CACNA1E: variants seen among roughly 807,000 people sequenced by gnomAD.
The protein encoded by CACNA1E is voltage-dependent R-type calcium channel subunit alpha-1E.
CACNA1E carries 40 observed loss-of-function variants against 259.2 expected under a neutral mutation model. The observed-to-expected ratio is 0.15, with a 90% CI of 0.12 to 0.20. CACNA1E has a LOEUF of 0.20. Ranked by LOEUF, CACNA1E falls within the 10% of genes least tolerant of loss-of-function variation. The pLI is 1.00. For missense variants in CACNA1E, 1,874 were observed against 3,040.1 expected, an observed-to-expected ratio of 0.62 and a Z score of 9.02; for synonymous variants, 1,104 against 1,138.5, an observed-to-expected ratio of 0.97 and a Z score of 0.61.
intron 1 of CACNA1E, among the ~76,000 whole-genome samples, chr1:181,393,798 C>T (rs1289288237): frequency 1.3e-5 from 2 of 152,196 alleles, no homozygotes; most frequent in Non-Finnish European, 2.9e-5. Flanking sequence ...GCAGTGAGTA[C>T]TCATCTGGAC....
rs561201985 is a variant in CACNA1E at position 181,486,794 on chromosome 1, G to A, written c.266+2784G>A. ...AATGGCATCTTTCAGAAATTTCAGC[G>A]TGCCTGAAGTGGGGAGGGGTCTTAG... is the stretch of plus-strand genomic sequence containing the variant. On this transcript the variant is annotated intron_variant, in intron 1 of 47. Coordinates refer to ENST00000367573, the MANE Select transcript of CACNA1E (RefSeq NM_001205293.3). Among the ~76,000 whole-genome samples, 16 of 152,168 alleles carry A rather than the reference G, an allele frequency of 1.1e-4. No homozygotes were observed. The East Asian group carries it at 2.7e-3, about 26-fold the overall frequency.
chr1:181,411,023 A>G (rs72729371), intron 1 of CACNA1E, among the ~76,000 whole-genome samples: 16,957 of 152,208 alleles, frequency 0.11, 1,088 homozygotes, highest in South Asian at 0.27. Flanking sequence ...TGGAGGCCAG[A>G]GTTCCTCTGA....
At chr1:181,748,842 C>T (rs1657341579) in intron 25 of CACNA1E, among the ~76,000 whole-genome samples, 1 of 152,198 alleles carries the variant, frequency 6.6e-6, no homozygotes, top group Non-Finnish European at 1.5e-5. Context: ...TTGTTCACAA[C>T]TGTATATCCA....
chr1:181,477,958 A>G (rs1221170413), intron 2 of CACNA1E, among the ~76,000 whole-genome samples: 1 of 152,244 alleles, frequency 6.6e-6, no homozygotes, highest in Non-Finnish European at 1.5e-5. Context: ...TTACCTCTCT[A>G]AAGCTCAAGA....
At chr1:181,650,610 T>C (rs1225762192) in intron 6 of CACNA1E, among the ~76,000 whole-genome samples, 1 of 152,230 alleles carries the variant, frequency 6.6e-6, no homozygotes, top group Non-Finnish European at 1.5e-5. Context: ...GCTTCTTTGT[T>C]TAAGTCATGA....
chr1:181,448,428 C>T (rs1053433530), intron 2 of CACNA1E, among the ~76,000 whole-genome samples: 16 of 152,236 alleles, frequency 1.1e-4, no homozygotes, highest in Non-Finnish European at 1.8e-4. Context: ...GGAGTCAGGA[C>T]TCAAGCTCAG....
intron 3 of CACNA1E, among the ~76,000 whole-genome samples, chr1:181,568,562 A>T (rs1359431710): frequency 6.6e-6 from 1 of 151,868 alleles, no homozygotes; most frequent in East Asian, 1.9e-4. Flanking sequence ...CTTCTGTGAC[A>T]TTTCCCAGTC....
chr1:181,731,750 C>T (rs1231909673), intron 19 of CACNA1E, among the ~76,000 whole-genome samples: 6 of 152,084 alleles, frequency 3.9e-5, no homozygotes, highest in African/African-American at 7.2e-5. Context: ...AATGCTCGAT[C>T]GCAGTTTTGA....
intron 7 of CACNA1E, among the ~76,000 whole-genome samples, chr1:181,697,875 G>C (rs1651867714): frequency 6.6e-6 from 1 of 152,226 alleles, no homozygotes; most frequent in South Asian, 2.1e-4. Flanking sequence ...CAGATCTACT[G>C]TTGCCTATAA....
intron 30 of CACNA1E, 91 bp downstream of exon 30, chr1:181,757,217 T>C: frequency 2.4e-6 from 2 of 822,064 alleles, no homozygotes; most frequent in Non-Finnish European, 4.0e-6. Flanking sequence ...TGCATTTTCT[T>C]AACTTGATTA....
At chr1:181,543,732 C>G (rs534058893) in intron 3 of CACNA1E, among the ~76,000 whole-genome samples, 1 of 152,254 alleles carries the variant, frequency 6.6e-6, no homozygotes, top group African/African-American at 2.4e-5. Context: ...GCAGCTGGAA[C>G]TGAGCAAGGC....
At chr1:181,572,086 C>A (rs1433280595) in intron 3 of CACNA1E, among the ~76,000 whole-genome samples, 1 of 152,182 alleles carries the variant, frequency 6.6e-6, no homozygotes, top group Non-Finnish European at 1.5e-5. Context: ...TTTTGGCTGG[C>A]AACCCTGAAC....
intron 25 of CACNA1E, among the ~76,000 whole-genome samples, chr1:181,741,453 A>T (rs947372545): frequency 5.3e-5 from 8 of 152,202 alleles, no homozygotes; most frequent in African/African-American, 1.9e-4. Context: ...CCATTCTCTT[A>T]TCACATCATG....
At chr1:181,428,117 A>G (rs1009626977) in intron 2 of CACNA1E, among the ~76,000 whole-genome samples, 1 of 152,102 alleles carries the variant, frequency 6.6e-6, no homozygotes, top group Non-Finnish European at 1.5e-5. Flanking sequence ...TAGAAGTGGG[A>G]CTGTGGACAA....
At chr1:181,589,395 C>T (rs889471533) in intron 6 of CACNA1E, among the ~76,000 whole-genome samples, 1 of 152,158 alleles carries the variant, frequency 6.6e-6, no homozygotes, top group Non-Finnish European at 1.5e-5. Flanking sequence ...AGTGGGCTCT[C>T]AGGAAGTAGT....
At chr1:181,670,338 G>GT (rs1316967685) in intron 7 of CACNA1E, among the ~76,000 whole-genome samples, 1 of 152,218 alleles carries the variant, frequency 6.6e-6, no homozygotes, top group Non-Finnish European at 1.5e-5. Context: ...TTGAGAAGCT[G>GT]TTAGAGTTGT....
At chr1:181,665,009 C>T (rs1451099068) in intron 7 of CACNA1E, among the ~76,000 whole-genome samples, 1 of 152,190 alleles carries the variant, frequency 6.6e-6, no homozygotes. Flanking sequence ...AAAAATGCCT[C>T]CATTCTCTGT....
At chr1:181,394,614 A>AG (rs1656525886) in intron 1 of CACNA1E, among the ~76,000 whole-genome samples, 1 of 152,126 alleles carries the variant, frequency 6.6e-6, no homozygotes, top group Non-Finnish European at 1.5e-5. Flanking sequence ...ATGGGGGAAA[A>AG]GGGGAAAATA....
At chr1:181,546,769 A>G (rs1241396790) in intron 3 of CACNA1E, among the ~76,000 whole-genome samples, 2 of 152,208 alleles carry the variant, frequency 1.3e-5, no homozygotes, top group African/African-American at 4.8e-5. Context: ...CTCTCAGGAC[A>G]TGATGTGCTC....
Sources: allele counts gnomAD v4.1 joint callset (sites outside exome capture counted in the v4.1 genomes callset), GRCh38; gene constraint gnomAD v4.1.1; transcripts MANE v1.5; gene names NCBI Gene and HGNC (gene_info 2026-07-23, HGNC 2026-07-21).